The following CSMD1 variants were observed in gnomAD, a reference collection of about 807,000 sequenced individuals.
CSMD1 encodes the protein CUB and sushi domain-containing protein 1.
CSMD1 carries 213 observed loss-of-function variants against 417.5 expected under a neutral mutation model. The observed-to-expected ratio is 0.51, with a 90% CI of 0.46 to 0.57. The LOEUF (loss-of-function observed/expected upper bound fraction) is 0.57. Among genes scored for constraint, CSMD1 ranks in the 20% least tolerant of loss-of-function variants. The pLI is 0.00. For synonymous variants in CSMD1, 2,862 were observed against 1,736.8 expected, an observed-to-expected ratio of 1.65 and a Z score of -16.11; for missense variants, 6,923 against 4,529.7, an observed-to-expected ratio of 1.53 and a Z score of -15.17.
intron 11 of CSMD1, among the ~76,000 whole-genome samples, chr8:3,471,052 C>T (rs1817064523): frequency 6.6e-6 from 1 of 152,152 alleles, no homozygotes; most frequent in Admixed American, 6.5e-5. Flanking sequence ...AGGGCAATAG[C>T]TGCATTGTGA....
chr8:4,466,054 A>G (rs1800147787), intron 2 of CSMD1, among the ~76,000 whole-genome samples: 3 of 152,358 alleles, frequency 2.0e-5, no homozygotes, highest in Non-Finnish European at 2.9e-5. Flanking sequence ...CCATCCAATG[A>G]TAACACAAGT....
intron 3 of CSMD1, among the ~76,000 whole-genome samples, chr8:4,131,180 C>A (rs1175916542): frequency 1.3e-5 from 2 of 152,138 alleles, no homozygotes; most frequent in East Asian, 1.9e-4. Context: ...AGTAGTACAT[C>A]AAAAGACTTC....
Position 3,772,643 on chromosome 8 carries a change from A to ATATATACACATATATT in CSMD1, c.819-18602_819-18601insAATATATGTGTATATA, listed in dbSNP as rs1491512719. Among the ~76,000 whole-genome samples the ATATATACACATATATT allele has an allele frequency of 1.4e-3, 101 of 74,478 alleles. 2 individuals carry two copies. In the East Asian group the frequency reaches 0.018, roughly 13 times the overall value. 48.9% of individuals were successfully genotyped at this position (74,478 alleles called of 152,430 possible). A position where few individuals can be genotyped will look rare whatever the true frequency, so the allele number is the denominator to read the frequency against. On this transcript the variant is annotated intron_variant, in intron 5 of 69. Coordinates refer to ENST00000635120, the MANE Select transcript of CSMD1 (RefSeq NM_033225.6). ...CATATATACACATATATTTATATACATATATACATATATACATACATTTAT... is the reference window on the plus strand; with the variant it reads ...CATATATACACATATATTTATATACATATATACACATATATTTATATACATATATACATACATTTAT...
intron 10 of CSMD1, among the ~76,000 whole-genome samples, chr8:3,559,166 C>A (rs538920339): frequency 6.6e-6 from 1 of 152,308 alleles, no homozygotes; most frequent in East Asian, 1.9e-4. Flanking sequence ...CTTCCATGAG[C>A]TCTCTTTTAG....
At chr8:4,742,000 C>CTTTTTTTTTTTTTTTT (rs71209120) in intron 1 of CSMD1, among the ~76,000 whole-genome samples, 1 of 73,818 alleles carries the variant, frequency 1.4e-5, no homozygotes, top group Non-Finnish European at 2.7e-5. Flanking sequence ...ACCACACCCA[C>CTTTTTTTTTTTTTTTT]TTTTTTTTTT....
intron 3 of CSMD1, among the ~76,000 whole-genome samples, chr8:4,188,342 T>C (rs914407439): frequency 2.6e-5 from 4 of 152,112 alleles, no homozygotes; most frequent in African/African-American, 4.8e-5. Flanking sequence ...TGAAAGACAA[T>C]GCAAACCGAG....
chr8:3,022,378 C>G (rs948728540), intron 51 of CSMD1, among the ~76,000 whole-genome samples: 1 of 150,256 alleles, frequency 6.7e-6, no homozygotes, highest in Non-Finnish European at 1.5e-5. Context: ...GGAATGCACC[C>G]GCAATCCCAC....
intron 49 of CSMD1, among the ~76,000 whole-genome samples, chr8:3,053,589 G>A (rs4132823): frequency 0.54 from 81,956 of 151,882 alleles, 22,473 homozygotes; most frequent in East Asian, 0.8. Context: ...CCGCTTTCAC[G>A]GGAAAGACCA....
intron 2 of CSMD1, among the ~76,000 whole-genome samples, chr8:4,481,839 C>G (rs1231808208): frequency 6.6e-6 from 1 of 152,094 alleles, no homozygotes; most frequent in Non-Finnish European, 1.5e-5. Flanking sequence ...GAGGTAGGTA[C>G]TCCACCTACT....
At chr8:3,700,224 C>T (rs779028863) in intron 7 of CSMD1, among the ~76,000 whole-genome samples, 2 of 152,018 alleles carry the variant, frequency 1.3e-5, no homozygotes, top group African/African-American at 4.8e-5. Context: ...CTCATGTAAC[C>T]ATATACCACC....
intron 41 of CSMD1, among the ~76,000 whole-genome samples, chr8:3,125,813 C>T (rs1039183026): frequency 1.3e-5 from 2 of 152,226 alleles, no homozygotes; most frequent in East Asian, 1.9e-4. Flanking sequence ...CCTATCTCTA[C>T]TAAAATTCCA....
intron 1 of CSMD1, among the ~76,000 whole-genome samples, chr8:4,705,947 C>G (rs1807911432): frequency 6.6e-6 from 1 of 151,946 alleles, no homozygotes; most frequent in Non-Finnish European, 1.5e-5. Context: ...AAAGAAATCT[C>G]TTCAACAAAC....
chr8:3,489,457 C>G (rs1196450132), intron 11 of CSMD1, among the ~76,000 whole-genome samples: 3 of 152,118 alleles, frequency 2.0e-5, no homozygotes, highest in African/African-American at 4.8e-5. Flanking sequence ...GCTGCAAAGG[C>G]CAGAGGGAAT....
At chr8:4,399,271 C>T (rs1247107453) in intron 3 of CSMD1, among the ~76,000 whole-genome samples, 1 of 152,120 alleles carries the variant, frequency 6.6e-6, no homozygotes, top group African/African-American at 2.4e-5. Flanking sequence ...AAAACAGCAA[C>T]AAAGGACCAT....
At chr8:4,129,131 T>C (rs1802942340) in intron 3 of CSMD1, among the ~76,000 whole-genome samples, 1 of 151,918 alleles carries the variant, frequency 6.6e-6, no homozygotes. Context: ...TTGTTGTTGC[T>C]TTTGTTTCAT....
intron 7 of CSMD1, among the ~76,000 whole-genome samples, chr8:3,639,175 A>G (rs544091552): frequency 1.3e-5 from 2 of 152,348 alleles, no homozygotes; most frequent in East Asian, 3.9e-4. Context: ...TCAATTCAAG[A>G]GGACAGAGTA....
At chr8:4,468,248 G>C (rs949829698) in intron 2 of CSMD1, among the ~76,000 whole-genome samples, 11 of 152,216 alleles carry the variant, frequency 7.2e-5, no homozygotes, top group African/African-American at 2.7e-4. Context: ...AGAGCTGGCT[G>C]ACTTCTGAGA....
chr8:3,343,994 G>C, intron 22 of CSMD1, among the ~76,000 whole-genome samples: 1 of 152,156 alleles, frequency 6.6e-6, no homozygotes, highest in East Asian at 1.9e-4. Context: ...AATAACAGAA[G>C]TATCTCATCA....
intron 7 of CSMD1, among the ~76,000 whole-genome samples, chr8:3,653,205 T>C (rs1197338674): frequency 6.6e-6 from 1 of 151,908 alleles, no homozygotes; most frequent in African/African-American, 2.4e-5. Flanking sequence ...AAATTGTAAT[T>C]ATTTCCAAAC....
Sources: gnomAD v4.1 joint callset for allele counts (sites outside exome capture counted in the v4.1 genomes callset) on GRCh38, gnomAD v4.1.1 for gene constraint, MANE v1.5 for transcripts, NCBI Gene and HGNC (gene_info 2026-07-23, HGNC 2026-07-21) for gene names.